Variants in SHISA9 observed in about 807,000 individuals in gnomAD.
SHISA9 encodes the protein protein shisa-9.
In SHISA9, 13 loss-of-function variants were observed where a neutral mutation model predicts 38.0. The ratio of observed to expected loss-of-function variants is 0.34; its 90% confidence interval spans 0.22 to 0.54. The LOEUF (loss-of-function observed/expected upper bound fraction) is 0.54. SHISA9 is among the 20% of genes least tolerant of loss of function. The pLI is 0.91. For missense variants in SHISA9, 538 were observed against 575.8 expected, an observed-to-expected ratio of 0.93 and a Z score of 0.67; for synonymous variants, 275 against 242.0, an observed-to-expected ratio of 1.14 and a Z score of -1.27.
chr16:13,042,733 A>T lies in SHISA9; in HGVS notation c.691+125918A>T, dbSNP rs555543873. 2.0e-5 allele frequency among the ~76,000 whole-genome samples: 3 copies of T among 152,276 alleles called. No homozygotes were observed. The South Asian group carries it at 6.2e-4, about 32-fold the overall frequency. On this transcript the variant is annotated intron_variant, in intron 2 of 4. Transcript: ENST00000558583. Reference sequence around the variant, plus strand: ...GCCCTTCCCCCTATTCTCTAGTCACACCATCTTTTTAAGTTTCCTTTTTAG... The same window carrying T: ...GCCCTTCCCCCTATTCTCTAGTCACTCCATCTTTTTAAGTTTCCTTTTTAG...
the SHISA9 span, among the ~76,000 whole-genome samples, chr16:13,477,648 T>A: frequency 6.6e-6 from 1 of 152,202 alleles, no homozygotes; most frequent in African/African-American, 2.4e-5. Context: ...CAATGCAGAA[T>A]GCCAACTGAA....
At chr16:13,292,013 T>C in the SHISA9 span, among the ~76,000 whole-genome samples, 6 of 151,964 alleles carry the variant, frequency 3.9e-5, no homozygotes, top group Admixed American at 2.6e-4. Context: ...TATCTGAGTC[T>C]ATATATTTTT....
At chr16:13,554,882 A>T in the SHISA9 span, among the ~76,000 whole-genome samples, 1 of 152,228 alleles carries the variant, frequency 6.6e-6, no homozygotes. Flanking sequence ...CATTGCTGTT[A>T]GGGTGAGGAA....
rs1171781781 is a variant in SHISA9 at position 13,213,401 on chromosome 16, CAT to C, written c.895+102_895+103del. The C allele has an allele frequency of 1.5e-5, 16 of 1,103,078 alleles. No homozygotes were observed. The East Asian group carries it at 4.2e-4, about 29-fold the overall frequency. 68.3% of individuals were successfully genotyped at this position (1,103,078 alleles called of 1,614,324 possible). A position where few individuals can be genotyped will look rare whatever the true frequency, so the allele number is the denominator to read the frequency against. On this transcript the variant is annotated intron_variant, in intron 4 of 4. Transcript: ENST00000558583. The stretch of plus-strand genomic sequence containing the variant: ...TCCTGGTGTCTGTGTGACCTGTGCA[CAT>C]GTGTGTCTGCATAGGGTGGCATCTG...
At chr16:12,956,353 A>G (rs2071835033) in intron 2 of SHISA9, among the ~76,000 whole-genome samples, 2 of 152,240 alleles carry the variant, frequency 1.3e-5, no homozygotes, top group Non-Finnish European at 2.9e-5. Context: ...TAGAACTACC[A>G]TTTGACCCAG....
At chr16:13,557,993 G>A in the SHISA9 span, among the ~76,000 whole-genome samples, 1 of 152,172 alleles carries the variant, frequency 6.6e-6, no homozygotes, top group Non-Finnish European at 1.5e-5. Flanking sequence ...ACTAGTAATT[G>A]AAGGGTGTAG....
the SHISA9 span, among the ~76,000 whole-genome samples, chr16:13,485,974 T>A: frequency 1.3e-5 from 2 of 152,236 alleles, no homozygotes; most frequent in Non-Finnish European, 2.9e-5. Flanking sequence ...AGAATTTTGT[T>A]ATTTTTTATG....
At chr16:12,991,872 T>G (rs899212371) in intron 2 of SHISA9, among the ~76,000 whole-genome samples, 1 of 152,042 alleles carries the variant, frequency 6.6e-6, no homozygotes, top group African/African-American at 2.4e-5. Flanking sequence ...TTTATGTACA[T>G]TAGAAAAAAA....
chr16:13,170,549 A>G (rs2050677025), intron 2 of SHISA9, among the ~76,000 whole-genome samples: 1 of 152,216 alleles, frequency 6.6e-6, no homozygotes. Flanking sequence ...CTTAATACCT[A>G]GGTGATGGTT....
chr16:13,250,908 A>G, the SHISA9 span, among the ~76,000 whole-genome samples: 1 of 152,118 alleles, frequency 6.6e-6, no homozygotes, highest in East Asian at 1.9e-4. Context: ...AGGAATTTGC[A>G]TTTTAAGAAA....
chr16:13,004,650 C>T (rs368246045), intron 2 of SHISA9, among the ~76,000 whole-genome samples: 7 of 151,996 alleles, frequency 4.6e-5, no homozygotes, highest in South Asian at 2.1e-4. Flanking sequence ...GTCTGCTAGG[C>T]GTGGTGGCTC....
At chr16:13,032,292 G>T (rs1419284245) in intron 2 of SHISA9, among the ~76,000 whole-genome samples, 2 of 152,034 alleles carry the variant, frequency 1.3e-5, no homozygotes, top group African/African-American at 2.4e-5. Flanking sequence ...TTCTGTTCCT[G>T]TGTCAGTTTG....
intron 2 of SHISA9, among the ~76,000 whole-genome samples, chr16:13,154,094 T>A (rs1255793545): frequency 6.6e-6 from 1 of 152,194 alleles, no homozygotes; most frequent in African/African-American, 2.4e-5. Context: ...TTACCGTTTA[T>A]TAAGCACCTA....
intron 2 of SHISA9, among the ~76,000 whole-genome samples, chr16:13,088,668 G>A (rs1319131037): frequency 6.6e-6 from 1 of 152,208 alleles, no homozygotes; most frequent in African/African-American, 2.4e-5. Flanking sequence ...TTTGTATCCT[G>A]AGACTTTGCT....
At chr16:13,506,662 G>A in the SHISA9 span, among the ~76,000 whole-genome samples, 5 of 152,118 alleles carry the variant, frequency 3.3e-5, no homozygotes, top group Non-Finnish European at 7.3e-5. Context: ...TGCGTGAAGT[G>A]AGAGAAAGGG....
At chr16:13,192,950 A>G (rs567751464) in intron 2 of SHISA9, among the ~76,000 whole-genome samples, 11 of 151,982 alleles carry the variant, frequency 7.2e-5, no homozygotes, top group African/African-American at 1.4e-4. Context: ...GAAGAAGAAG[A>G]AGGAGGAGGA....
chr16:13,496,574 A>T, the SHISA9 span, among the ~76,000 whole-genome samples: 1 of 152,114 alleles, frequency 6.6e-6, no homozygotes, highest in Non-Finnish European at 1.5e-5. Context: ...TCATGAGAAA[A>T]AAAAATAAGG....
At chr16:13,014,171 A>C (rs2072713514) in intron 2 of SHISA9, among the ~76,000 whole-genome samples, 1 of 152,232 alleles carries the variant, frequency 6.6e-6, no homozygotes, top group Non-Finnish European at 1.5e-5. Context: ...GGCAGAGAGC[A>C]GTTAGAGCAA....
chr16:13,044,621 A>T (rs1294392285), intron 2 of SHISA9, among the ~76,000 whole-genome samples: 1 of 152,176 alleles, frequency 6.6e-6, no homozygotes, highest in Non-Finnish European at 1.5e-5. Context: ...CTCAGACCTG[A>T]TGGTTAGTAA....
Sources: allele counts gnomAD v4.1 joint callset (sites outside exome capture counted in the v4.1 genomes callset), GRCh38; gene constraint gnomAD v4.1.1; transcripts MANE v1.5; gene names NCBI Gene and HGNC (gene_info 2026-07-23, HGNC 2026-07-21).